The following GPR107 variants were observed in gnomAD, a reference collection of about 807,000 sequenced individuals.
GPR107 encodes G protein-coupled receptor 107, also known as protein GPR107.
In GPR107, 31 loss-of-function variants were observed where a neutral mutation model predicts 75.5. The ratio of observed to expected loss-of-function variants is 0.41; its 90% CI spans 0.31 to 0.55. The LOEUF (loss-of-function observed/expected upper bound fraction) is 0.55. Among genes scored for constraint, GPR107 ranks in the 20% least tolerant of loss-of-function variants. The pLI is 0.26. For missense variants in GPR107, 572 were observed against 665.7 expected (o/e 0.86, Z 1.55); for synonymous variants, 267 against 251.3 (o/e 1.06, Z -0.59).
intron 14 of GPR107, chr9:130,108,691 G>A (rs546679530): frequency 1.3e-4 from 57 of 455,386 alleles, no homozygotes; most frequent in African/African-American, 5.8e-4. Flanking sequence ...CAGCTTCTGC[G>A]ACCTGCACCA....
chr9:130,077,414 G>A (rs1830376074), intron 4 of GPR107, 36 bp downstream of exon 4: 1 of 1,020,652 alleles, frequency 9.8e-7, no homozygotes, highest in African/African-American at 1.6e-5. Context: ...TTCAGTCCTA[G>A]AGTAGAGTCG....
rs1469487988 is a variant in GPR107 at position 130,099,580 on chromosome 9, C to G, written c.939+48C>G. ...TCATTCATGAAATTACGTATAATGCCTGTGTGAGCAGGCAAAAGAAATTTG... is the reference window on the plus strand; with the variant it reads ...TCATTCATGAAATTACGTATAATGCGTGTGTGAGCAGGCAAAAGAAATTTG... On this transcript the variant is annotated intron_variant, in intron 10 of 17. Transcript: ENST00000347136. The G allele has an allele frequency of 3.8e-6, 4 of 1,044,808 alleles. No homozygotes were observed. The Admixed American group carries it at 7.4e-5, about 19-fold the overall frequency. 64.7% of individuals were successfully genotyped at this position (1,044,808 alleles called of 1,614,324 possible). A position where few individuals can be genotyped will look rare whatever the true frequency, so the allele number is the denominator to read the frequency against.
chr9:130,098,730 G>A (rs1244811296), intron 9 of GPR107, among the ~76,000 whole-genome samples: 1 of 152,164 alleles, frequency 6.6e-6, no homozygotes, highest in African/African-American at 2.4e-5. Context: ...AAAAGTGGCT[G>A]GGTGTGGCGG....
chr9:130,062,457 A>ATAATAC (rs1829950679), intron 1 of GPR107, among the ~76,000 whole-genome samples: 1 of 147,168 alleles, frequency 6.8e-6, no homozygotes, highest in Non-Finnish European at 1.5e-5. Flanking sequence ...AATAATAATA[A>ATAATAC]TAGCACTGAG....
intron 1 of GPR107, among the ~76,000 whole-genome samples, chr9:130,062,863 A>G (rs1310359989): frequency 2.6e-5 from 4 of 152,060 alleles, no homozygotes; most frequent in Non-Finnish European, 5.9e-5. Flanking sequence ...AGCTAGTACT[A>G]CAGGTGCACA....
intron 14 of GPR107, among the ~76,000 whole-genome samples, chr9:130,119,971 G>C (rs1831511746): frequency 6.6e-6 from 1 of 152,144 alleles, no homozygotes. Flanking sequence ...CTACAGCCAT[G>C]TGTCACCATG....
At chr9:130,066,008 A>G (rs1472696415) in intron 1 of GPR107, among the ~76,000 whole-genome samples, 3 of 152,042 alleles carry the variant, frequency 2.0e-5, no homozygotes, top group African/African-American at 7.2e-5. Context: ...GTTTTGGGAA[A>G]TTAAAAGGAT....
At chr9:130,123,530 C>CTTTTTTTTTTTTT (rs57730952) in intron 14 of GPR107, among the ~76,000 whole-genome samples, 4 of 127,146 alleles carry the variant, frequency 3.1e-5, no homozygotes, top group Non-Finnish European at 6.6e-5. Context: ...CTTTTCTTTT[C>CTTTTTTTTTTTTT]TTTTTTTTTT....
intron 11 of GPR107, 86 bp downstream of exon 11, chr9:130,100,788 G>A: frequency 9.4e-6 from 9 of 956,992 alleles, no homozygotes; most frequent in South Asian, 2.6e-5. Flanking sequence ...AAGTTAACCA[G>A]CCCTGCCCTC....
At chr9:130,099,582 G>GCTCACACAGGCA in intron 10 of GPR107, 50 bp downstream of exon 10, 1 of 1,002,426 alleles carries the variant, frequency 1.0e-6, no homozygotes, top group Non-Finnish European at 1.6e-6. Context: ...TATAATGCCT[G>GCTCACACAGGCA]TGTGAGCAGG....
chr9:130,066,465 T>C (rs1170878621), intron 1 of GPR107, among the ~76,000 whole-genome samples: 1 of 152,158 alleles, frequency 6.6e-6, no homozygotes, highest in Non-Finnish European at 1.5e-5. Flanking sequence ...AGCTGCTCCA[T>C]TCTGGTAAAT....
intron 8 of GPR107, among the ~76,000 whole-genome samples, chr9:130,091,186 C>T (rs751580369): frequency 2.3e-4 from 35 of 152,052 alleles, no homozygotes; most frequent in Non-Finnish European, 2.6e-4. Context: ...TTAACCTGTG[C>T]GTTAAGAATG....
chr9:130,080,771 G>A lies in GPR107; in HGVS notation c.526+1002G>A, dbSNP rs190270499. On this transcript the variant is annotated intron_variant, in intron 5 of 17. Transcript: ENST00000347136. ...CTCCCAAAGTGCTGGGATTACAGGC[G>A]TGAGCCACTGCGCCCGGCCCTGTTT... Among the ~76,000 whole-genome samples, 662 of 151,826 alleles carry A rather than the reference G, an allele frequency of 4.4e-3. 9 individuals are homozygous for A. Among genetic ancestry groups the A allele is most frequent in the African/African-American group, 0.015 (636 of 41,450 alleles).
chr9:130,055,206 G>A (rs546620980), intron 1 of GPR107, among the ~76,000 whole-genome samples: 6 of 151,904 alleles, frequency 3.9e-5, no homozygotes, highest in African/African-American at 1.2e-4. Context: ...GGTGGCTCAC[G>A]CCTGTAATCC....
In GPR107 at chr9:130,108,692, A is replaced by T. The variant is rs1432732923; in HGVS notation, c.1306+1153A>T. The T allele has an allele frequency of 4.4e-5, 20 of 455,398 alleles. No homozygotes were observed. The Admixed American group carries it at 4.5e-4, about 10-fold the overall frequency. The allele number at this position is 455,398 out of a possible 1,614,324, so 28.2% of individuals were successfully genotyped here. ...TCCCAAGGCCCACTCAGCTTCTGCGACCTGCACCAGCTTTTGTTTTCTTTC... is the reference window on the plus strand; with the variant it reads ...TCCCAAGGCCCACTCAGCTTCTGCGTCCTGCACCAGCTTTTGTTTTCTTTC... On this transcript the variant is annotated intron_variant, in intron 14 of 17. Coordinates refer to ENST00000347136, the MANE Select transcript of GPR107 (RefSeq NM_020960.5).
At chr9:130,079,120 G>A (rs548283433) in intron 4 of GPR107, among the ~76,000 whole-genome samples, 15 of 152,122 alleles carry the variant, frequency 9.9e-5, no homozygotes, top group African/African-American at 3.6e-4. Context: ...CAACACACCC[G>A]GCCAGTTTTT....
intron 1 of GPR107, among the ~76,000 whole-genome samples, chr9:130,059,052 A>G (rs1381788782): frequency 1.3e-5 from 2 of 152,210 alleles, no homozygotes; most frequent in Non-Finnish European, 2.9e-5. Context: ...TTGCTGGGTC[A>G]TATGATAGAT....
intron 14 of GPR107, among the ~76,000 whole-genome samples, chr9:130,117,414 A>C (rs1207392347): frequency 6.6e-6 from 1 of 152,170 alleles, no homozygotes; most frequent in African/African-American, 2.4e-5. Context: ...GCCAGAGGGC[A>C]GCTCGTGAAC....
chr9:130,089,507 GT>G (rs1830684185), intron 7 of GPR107, among the ~76,000 whole-genome samples: 1 of 152,128 alleles, frequency 6.6e-6, no homozygotes, highest in Admixed American at 6.6e-5. Context: ...GGGGATAGTG[GT>G]TTATCTACCT....
Sources: allele counts gnomAD v4.1 joint callset (sites outside exome capture counted in the v4.1 genomes callset), GRCh38; gene constraint gnomAD v4.1.1; transcripts MANE v1.5; gene names NCBI Gene and HGNC (gene_info 2026-07-23, HGNC 2026-07-21).